SNRPD3: variants seen among roughly 807,000 people sequenced by gnomAD.
SNRPD3 encodes the protein small nuclear ribonucleoprotein Sm D3.
For missense variants in SNRPD3, 73 were observed against 167.5 expected (o/e 0.44, Z 3.11); for synonymous variants, 66 against 58.4 (o/e 1.13, Z -0.59).
chr22:24,562,215 G>C (rs1283060953), intron 2 of SNRPD3, among the ~76,000 whole-genome samples: 1 of 152,172 alleles, frequency 6.6e-6, no homozygotes, highest in Non-Finnish European at 1.5e-5. Context: ...GTTAGACCCT[G>C]TCTCTTCTGA....
chr22:24,565,339 C>A (rs1278487149), intron 2 of SNRPD3, among the ~76,000 whole-genome samples: 1 of 152,048 alleles, frequency 6.6e-6, no homozygotes, highest in East Asian at 1.9e-4. Flanking sequence ...GACAGATCTG[C>A]CTCTGAATGG....
In SNRPD3 at chr22:24,574,159, ATAG is replaced by A. The variant is rs1569029305; in HGVS notation, c.*2187_*2189del. On this transcript the variant is annotated 3_prime_UTR_variant, in exon 4 of 4. Coordinates refer to ENST00000215829, the MANE Select transcript of SNRPD3 (RefSeq NM_004175.5). Reference sequence around the variant, plus strand: ...TTTGAATAATAACACATTACACTTAATAGTAGTGAACTGCATCCTCGATATCAA... The same window carrying A: ...TTTGAATAATAACACATTACACTTAATAGTGAACTGCATCCTCGATATCAA... 6.6e-6 allele frequency among the ~76,000 whole-genome samples: 1 copy of A among 152,200 alleles called. No individual in the cohort carries two copies. Among genetic ancestry groups the A allele is most frequent in the African/African-American group, 2.4e-5 (1 of 41,438 alleles).
chr22:24,555,884 G>A, upstream of SNRPD3: 1 of 1,511,394 alleles, frequency 6.6e-7, no homozygotes, highest in Non-Finnish European at 8.9e-7. Flanking sequence ...CCAGCCGGCA[G>A]GCGGAGTGAG....
At chr22:24,557,319 C>T (rs2045084650) in intron 1 of SNRPD3, among the ~76,000 whole-genome samples, 1 of 152,198 alleles carries the variant, frequency 6.6e-6, no homozygotes, top group African/African-American at 2.4e-5. Flanking sequence ...CAGTCCCCCT[C>T]CCCTGACACA....
At chr22:24,559,032 G>A (rs952038221) in intron 2 of SNRPD3, among the ~76,000 whole-genome samples, 4 of 152,210 alleles carry the variant, frequency 2.6e-5, no homozygotes, top group Admixed American at 6.5e-5. Flanking sequence ...TGAGCTGTAT[G>A]TGTGCCATAG....
At position 24,572,093 on chromosome 22, in the gene SNRPD3, G is replaced by C. The variant is rs1260727508; in HGVS notation, c.*116G>C. The stretch of plus-strand genomic sequence containing the variant: ...TTTGCCATCTTTCTCTTTAGATCAG[G>C]GGAAATGTTTAAGCTAAATAAATCT... On this transcript the variant is annotated 3_prime_UTR_variant, in exon 4 of 4. Coordinates refer to ENST00000215829, the MANE Select transcript of SNRPD3 (RefSeq NM_004175.5). The C allele has an allele frequency of 7.1e-6, 11 of 1,548,344 alleles. No homozygotes were observed. Among genetic ancestry groups the C allele is most frequent in the South Asian group, 3.5e-5 (3 of 84,682 alleles).
intron 2 of SNRPD3, among the ~76,000 whole-genome samples, chr22:24,567,398 T>A (rs552370338): frequency 6.6e-6 from 1 of 152,356 alleles, no homozygotes; most frequent in African/African-American, 2.4e-5. Flanking sequence ...TGGAGTTCCC[T>A]GCATTCCAGC....
At chr22:24,557,956 G>A (rs1271389709) in intron 2 of SNRPD3, 156 bp downstream of exon 2, 3 of 611,500 alleles carry the variant, frequency 4.9e-6, no homozygotes, top group Non-Finnish European at 8.0e-6. Context: ...ATAGGCTCTG[G>A]GGGTGTGGGC....
rs2045256658 is a variant in SNRPD3, at chr22:24,572,257, T to A, written c.*280T>A. The stretch of plus-strand genomic sequence containing the variant: ...TGCCAGTACTTTGAAATAGCACAGC[T>A]ATTGATGAGATTTTAAGCTGCTGTT... On this transcript the variant is annotated 3_prime_UTR_variant, in exon 4 of 4. Transcript: ENST00000215829. 1 of 619,110 alleles carries A rather than the reference T, an allele frequency of 1.6e-6. No homozygotes were observed. Among genetic ancestry groups the A allele is most frequent in the Admixed American group, 2.9e-5 (1 of 34,354 alleles). The allele number at this position is 619,110 out of a possible 1,614,324, so 38.4% of individuals were successfully genotyped here. A position where few individuals can be genotyped will look rare whatever the true frequency, so the allele number is the denominator to read the frequency against.
intron 2 of SNRPD3, among the ~76,000 whole-genome samples, chr22:24,561,979 C>T (rs917220976): frequency 3.3e-5 from 5 of 151,948 alleles, no homozygotes; most frequent in South Asian, 4.2e-4. Context: ...CCAGCCTGGG[C>T]GACGGAGTGA....
chr22:24,559,441 A>T (rs571216267), intron 2 of SNRPD3, among the ~76,000 whole-genome samples: 1 of 152,308 alleles, frequency 6.6e-6, no homozygotes, highest in East Asian at 1.9e-4. Context: ...GTGAAGCTTA[A>T]TGGGTTTGTT....
At chr22:24,564,391 G>T (rs1443021442) in intron 2 of SNRPD3, among the ~76,000 whole-genome samples, 2 of 152,234 alleles carry the variant, frequency 1.3e-5, no homozygotes, top group African/African-American at 2.4e-5. Context: ...CATTGTGGCT[G>T]TTGAGGAAAG....
At chr22:24,557,113 G>T (rs2045080804) in intron 1 of SNRPD3, among the ~76,000 whole-genome samples, 4 of 152,196 alleles carry the variant, frequency 2.6e-5, no homozygotes, top group African/African-American at 9.7e-5. Context: ...GGCCGTTGAG[G>T]ACTTGGAATA....
intron 2 of SNRPD3, among the ~76,000 whole-genome samples, chr22:24,560,476 A>C (rs1420591897): frequency 1.3e-4 from 7 of 52,550 alleles, no homozygotes; most frequent in South Asian, 6.3e-4. Flanking sequence ...TGAGAGTCTC[A>C]CTCTGTCGCC....
intron 2 of SNRPD3, chr22:24,558,091 C>T (rs1405110971): frequency 9.1e-6 from 2 of 220,140 alleles, no homozygotes; most frequent in South Asian, 1.1e-4. Flanking sequence ...CTACTTCCTT[C>T]AGTAGAATCC....
chr22:24,571,659 G>A (rs189653535), intron 3 of SNRPD3, among the ~76,000 whole-genome samples: 2 of 151,828 alleles, frequency 1.3e-5, no homozygotes, highest in African/African-American at 4.8e-5. Context: ...CATGAGAATC[G>A]CCTAATCCCA....
At chr22:24,555,968 A>G, upstream of SNRPD3, 1 of 840,950 alleles carries the variant, frequency 1.2e-6, no homozygotes, top group East Asian at 2.7e-5. Context: ...GCATTTTGGG[A>G]AAGAGTGGAA....
In SNRPD3 at chr22:24,563,479, T is replaced by TGCTGCAGGATAGGGCATCA. The variant is rs1239541521; in HGVS notation, c.127-4493_127-4475dup. 3.9e-5 allele frequency among the ~76,000 whole-genome samples: 6 copies of TGCTGCAGGATAGGGCATCA among 152,100 alleles called. No individual in the cohort carries two copies. In the South Asian group the frequency reaches 1.0e-3, roughly 26 times the overall value. ...CTGCAAGCCAAGCACTGGTGGCCAGTGCTGCAGGATAGGGCATCAGCTGCA... is the reference window on the plus strand; with the variant it reads ...CTGCAAGCCAAGCACTGGTGGCCAGTGCTGCAGGATAGGGCATCAGCTGCAGGATAGGGCATCAGCTGCA... On this transcript the variant is annotated intron_variant, in intron 2 of 3. Transcript: ENST00000215829.
At chr22:24,557,099 A>T (rs760484157) in intron 1 of SNRPD3, among the ~76,000 whole-genome samples, 3 of 152,236 alleles carry the variant, frequency 2.0e-5, no homozygotes, top group Non-Finnish European at 4.4e-5. Flanking sequence ...CACTAGCTAC[A>T]TGTGGCCGTT....
Sources: allele counts gnomAD v4.1 joint callset (sites outside exome capture counted in the v4.1 genomes callset), GRCh38; gene constraint gnomAD v4.1.1; transcripts MANE v1.5; gene names NCBI Gene and HGNC (gene_info 2026-07-23, HGNC 2026-07-21).